DCAF10: variants seen among roughly 807,000 people sequenced by gnomAD.
The protein encoded by DCAF10 is DDB1- and CUL4-associated factor 10.
A neutral mutation model predicts 51.9 loss-of-function variants in DCAF10; 19 were observed. The ratio of observed to expected loss-of-function variants is 0.37; its 90% CI spans 0.26 to 0.54. The LOEUF is 0.54. Among genes scored for constraint, DCAF10 ranks in the 20% least tolerant of loss-of-function variants. DCAF10 has a pLI of 0.87. For missense variants in DCAF10, 510 were observed against 730.6 expected (o/e 0.70, Z 3.48); for synonymous variants, 291 against 297.1 (o/e 0.98, Z 0.21).
chr9:37,836,552 G>T (rs1564038889), intron 2 of DCAF10, among the ~76,000 whole-genome samples: 1 of 152,138 alleles, frequency 6.6e-6, no homozygotes, highest in East Asian at 1.9e-4. Context: ...GCAGGGAATG[G>T]AACTTTAATG....
intron 5 of DCAF10, among the ~76,000 whole-genome samples, chr9:37,859,601 G>T (rs1408989735): frequency 6.6e-6 from 1 of 152,130 alleles, no homozygotes; most frequent in East Asian, 1.9e-4. Flanking sequence ...TTGCTTAAAA[G>T]GCAATCCTCA....
At chr9:37,804,528 G>A (rs892150777) in intron 1 of DCAF10, among the ~76,000 whole-genome samples, 2 of 152,210 alleles carry the variant, frequency 1.3e-5, no homozygotes, top group South Asian at 2.1e-4. Context: ...TGTAATCCCA[G>A]CACTTTCGGA....
chr9:37,807,124 C>T (rs914831972), intron 1 of DCAF10, among the ~76,000 whole-genome samples: 3 of 152,170 alleles, frequency 2.0e-5, no homozygotes, highest in Non-Finnish European at 4.4e-5. Context: ...CTTACTGTTA[C>T]TTCAGCAAAA....
intron 2 of DCAF10, among the ~76,000 whole-genome samples, chr9:37,834,933 C>G (rs1026010644): frequency 1.3e-5 from 2 of 152,014 alleles, no homozygotes; most frequent in African/African-American, 4.8e-5. Flanking sequence ...GGACTACAGG[C>G]TCGTGCCACA....
chr9:37,808,979 G>A (rs1350873093), intron 1 of DCAF10, among the ~76,000 whole-genome samples: 1 of 150,112 alleles, frequency 6.7e-6, no homozygotes, highest in Non-Finnish European at 1.5e-5. Context: ...GTGGTGGCAT[G>A]TGCCTGTGGT....
At chr9:37,820,455 G>A (rs913737696) in intron 2 of DCAF10, among the ~76,000 whole-genome samples, 4 of 152,132 alleles carry the variant, frequency 2.6e-5, no homozygotes, top group Non-Finnish European at 5.9e-5. Flanking sequence ...CATGAAGTCC[G>A]GGGTTTGGTT....
At chr9:37,815,501 T>C (rs1481138886) in intron 1 of DCAF10, among the ~76,000 whole-genome samples, 1 of 152,064 alleles carries the variant, frequency 6.6e-6, no homozygotes, top group Non-Finnish European at 1.5e-5. Flanking sequence ...AAAAATTAGC[T>C]GGGCATCATG....
intron 2 of DCAF10, among the ~76,000 whole-genome samples, chr9:37,838,422 T>TA (rs751130650): frequency 7.5e-5 from 11 of 147,512 alleles, no homozygotes; most frequent in African/African-American, 1.3e-4. Context: ...TTGGCTACAT[T>TA]AAAAAAAACT....
At chr9:37,815,212 T>C (rs1298924280) in intron 1 of DCAF10, among the ~76,000 whole-genome samples, 1 of 152,180 alleles carries the variant, frequency 6.6e-6, no homozygotes, top group Non-Finnish European at 1.5e-5. Flanking sequence ...CACCAAACAT[T>C]GTACTTAATG....
intron 1 of DCAF10, among the ~76,000 whole-genome samples, chr9:37,816,659 G>GGGGGGGGGTGTGTGTGT (rs372664140): frequency 6.9e-6 from 1 of 144,890 alleles, no homozygotes; most frequent in East Asian, 2.0e-4. Flanking sequence ...CTGCACCTGG[G>GGGGGGGGGTGTGTGTGT]GTGTGTGTGT....
chr9:37,808,913 G>A (rs528792214), intron 1 of DCAF10, among the ~76,000 whole-genome samples: 73 of 148,400 alleles, frequency 4.9e-4, no homozygotes, highest in African/African-American at 1.8e-3. Context: ...AGGAGTTCAA[G>A]ACCAGCCTGG....
chr9:37,802,391 G>T, intron 1 of DCAF10, among the ~76,000 whole-genome samples: 1 of 152,130 alleles, frequency 6.6e-6, no homozygotes, highest in East Asian at 1.9e-4. Context: ...CTGTGTTCAC[G>T]GATTCCCTGA....
At chr9:37,857,398 C>A in intron 5 of DCAF10, 47 bp downstream of exon 5, 1 of 1,334,610 alleles carries the variant, frequency 7.5e-7, no homozygotes, top group Non-Finnish European at 1.0e-6. Context: ...CAGATTATGC[C>A]AATCTGATTA....
chr9:37,857,341 T>A lies in DCAF10; in HGVS notation c.1155T>A (p.Ser385=). ...NSSEKHMSRA[S]QREGVSPRNS... is the part of the protein sequence containing the mutation. Reference sequence around the variant, plus strand: ...CTGAGAAACACATGTCACGAGCCTCTCAAAGAGAAGGTAGGTTAAAAGTTG... The same window carrying A: ...CTGAGAAACACATGTCACGAGCCTCACAAAGAGAAGGTAGGTTAAAAGTTG... The change falls in exon 5 of 7, where the codon TCT becomes TCA. Residue 385 remains serine (S), a synonymous_variant. Coordinates refer to ENST00000377724, the MANE Select transcript of DCAF10 (RefSeq NM_024345.5). 6.2e-7 allele frequency: 1 copy of A among 1,601,990 alleles called. No homozygotes were observed. Among genetic ancestry groups the A allele is most frequent in the Non-Finnish European group, 8.5e-7 (1 of 1,176,126 alleles).
chr9:37,814,171 T>G, intron 1 of DCAF10, among the ~76,000 whole-genome samples: 1 of 135,716 alleles, frequency 7.4e-6, no homozygotes, highest in East Asian at 2.3e-4. Flanking sequence ...TGGAGTCTCA[T>G]TCTGTCACCC....
intron 2 of DCAF10, among the ~76,000 whole-genome samples, chr9:37,821,530 G>C (rs1354754288): frequency 1.3e-5 from 2 of 152,122 alleles, no homozygotes; most frequent in Non-Finnish European, 2.9e-5. Flanking sequence ...ATAAAGTGGG[G>C]AAAGGACACC....
chr9:37,812,013 C>A (rs1829362679), intron 1 of DCAF10, among the ~76,000 whole-genome samples: 1 of 151,886 alleles, frequency 6.6e-6, no homozygotes, highest in Non-Finnish European at 1.5e-5. Flanking sequence ...ATGGCAAAAC[C>A]CTGACTCTAC....
intron 2 of DCAF10, among the ~76,000 whole-genome samples, chr9:37,825,320 C>T (rs1167286322): frequency 6.6e-6 from 1 of 152,132 alleles, no homozygotes; most frequent in Non-Finnish European, 1.5e-5. Context: ...ATGGAATCAA[C>T]CTAAATGCCC....
intron 2 of DCAF10, among the ~76,000 whole-genome samples, chr9:37,830,024 G>T (rs1371952645): frequency 6.6e-6 from 1 of 151,914 alleles, no homozygotes; most frequent in Non-Finnish European, 1.5e-5. Flanking sequence ...AGAAGAAGAA[G>T]AAAGAAATTA....
Sources: allele counts gnomAD v4.1 joint callset (sites outside exome capture counted in the v4.1 genomes callset), GRCh38; gene constraint gnomAD v4.1.1; transcripts MANE v1.5; gene names NCBI Gene and HGNC (gene_info 2026-07-23, HGNC 2026-07-21).